The following HS3ST5 variants were observed in gnomAD, a reference collection of about 807,000 sequenced individuals.
HS3ST5 encodes heparan sulfate glucosamine 3-O-sulfotransferase 5.
Under a neutral mutation model 25.4 loss-of-function variants are expected in HS3ST5, and 10 were observed. The ratio of observed to expected loss-of-function variants is 0.39; its 90% confidence interval spans 0.24 to 0.67. The LOEUF (loss-of-function observed/expected upper bound fraction) is 0.67. HS3ST5 is among the 30% of genes least tolerant of loss of function. The probability of loss-of-function intolerance (pLI) is 0.44; values close to 1 mark genes in which losing one functional copy is unlikely to be tolerated. For synonymous variants in HS3ST5, 170 were observed against 162.4 expected, an observed-to-expected ratio of 1.05 and a Z score of -0.36; for missense variants, 324 against 420.7, an observed-to-expected ratio of 0.77 and a Z score of 2.01.
intron 1 of HS3ST5, among the ~76,000 whole-genome samples, chr6:114,237,903 A>G (rs72954564): frequency 6.6e-6 from 1 of 152,206 alleles, no homozygotes; most frequent in Non-Finnish European, 1.5e-5. Context: ...ATAAAATATA[A>G]GCACTGTCAG....
chr6:114,145,583 G>C (rs564558979), intron 3 of HS3ST5, among the ~76,000 whole-genome samples: 4 of 152,248 alleles, frequency 2.6e-5, no homozygotes, highest in African/African-American at 9.6e-5. Context: ...AGTTTACATG[G>C]GCAGAAAATG....
intron 3 of HS3ST5, among the ~76,000 whole-genome samples, chr6:114,074,988 C>T (rs1184717373): frequency 6.6e-6 from 1 of 152,008 alleles, no homozygotes; most frequent in East Asian, 1.9e-4. Context: ...CCTTTTAGGG[C>T]CAGAAGGACT....
At chr6:114,252,884 C>T (rs1168884389) in intron 1 of HS3ST5, among the ~76,000 whole-genome samples, 1 of 151,706 alleles carries the variant, frequency 6.6e-6, no homozygotes, top group Non-Finnish European at 1.5e-5. Flanking sequence ...CTGGTAACCA[C>T]ATTTTTTTTT....
At chr6:114,259,783 A>C (rs1773088012) in intron 1 of HS3ST5, among the ~76,000 whole-genome samples, 1 of 152,224 alleles carries the variant, frequency 6.6e-6, no homozygotes, top group African/African-American at 2.4e-5. Flanking sequence ...ACATAGAAAT[A>C]TGTCTGAGGA....
intron 2 of HS3ST5, among the ~76,000 whole-genome samples, chr6:114,170,207 T>C (rs193012416): frequency 4.6e-5 from 7 of 152,242 alleles, no homozygotes; most frequent in Admixed American, 4.6e-4. Flanking sequence ...GATAATTACA[T>C]TGCACTAGAA....
In HS3ST5 at chr6:114,056,654, A is replaced by G. The variant is rs1474371006; in HGVS notation, c.*603T>C. ...GGAAGTAAAAGGACTTGACTTTCCA[A>G]TGTGTGATTGACATGCTACAAGTGA... On this transcript the variant is annotated 3_prime_UTR_variant, in exon 5 of 5. Coordinates refer to ENST00000312719, the MANE Select transcript of HS3ST5 (RefSeq NM_153612.4). 2.6e-5 allele frequency: 4 copies of G among 152,282 alleles called. No homozygotes were observed. The highest frequency in any genetic ancestry group is 5.9e-5 in the Non-Finnish European group (4 of 68,086). The allele number at this position is 152,282 out of a possible 1,614,324, so 9.4% of individuals were successfully genotyped here.
At chr6:114,248,823 A>C (rs542618249) in intron 1 of HS3ST5, among the ~76,000 whole-genome samples, 1 of 152,246 alleles carries the variant, frequency 6.6e-6, no homozygotes, top group Non-Finnish European at 1.5e-5. Flanking sequence ...TGGTCCTTAC[A>C]TTCTGTGGTT....
At chr6:114,341,258 A>AGAGAGAGAGAGAGAGAGAGAGAGAGT (rs1562281461) in intron 1 of HS3ST5, among the ~76,000 whole-genome samples, 1 of 147,846 alleles carries the variant, frequency 6.8e-6, no homozygotes, top group Non-Finnish European at 1.5e-5. Flanking sequence ...AGAGAGAGAG[A>AGAGAGAGAGAGAGAGAGAGAGAGAGT]GAGTGAGTCC....
chr6:114,298,005 T>C (rs1286321734), intron 1 of HS3ST5, among the ~76,000 whole-genome samples: 1 of 152,230 alleles, frequency 6.6e-6, no homozygotes, highest in Non-Finnish European at 1.5e-5. Context: ...CCTGTCCCTC[T>C]ACCCCTGCTG....
At chr6:114,149,635 G>A (rs909954310) in intron 3 of HS3ST5, among the ~76,000 whole-genome samples, 5 of 151,894 alleles carry the variant, frequency 3.3e-5, no homozygotes, top group African/African-American at 1.2e-4. Context: ...ATGCATGTGG[G>A]GCTTAAAACT....
At chr6:114,071,321 T>TCTCC (rs1218134341) in intron 3 of HS3ST5, among the ~76,000 whole-genome samples, 13 of 152,334 alleles carry the variant, frequency 8.5e-5, no homozygotes, top group African/African-American at 3.1e-4. Flanking sequence ...GGATGCTTGC[T>TCTCC]CTCCCTCCCA....
chr6:114,094,064 T>G (rs750885168), intron 3 of HS3ST5, among the ~76,000 whole-genome samples: 8 of 152,160 alleles, frequency 5.3e-5, no homozygotes, highest in Non-Finnish European at 1.0e-4. Flanking sequence ...TATCCAGACA[T>G]AAGACAGTAA....
intron 2 of HS3ST5, among the ~76,000 whole-genome samples, chr6:114,207,263 T>G (rs1296913751): frequency 6.6e-6 from 1 of 152,154 alleles, no homozygotes; most frequent in African/African-American, 2.4e-5. Context: ...TTAGTATTAT[T>G]GCTTCCTTCC....
At chr6:114,101,786 C>A (rs1280619317) in intron 3 of HS3ST5, among the ~76,000 whole-genome samples, 2 of 152,182 alleles carry the variant, frequency 1.3e-5, no homozygotes, top group African/African-American at 4.8e-5. Context: ...ATAGTAAAGG[C>A]ATGGAATCAA....
chr6:114,111,578 C>T (rs575915966), intron 3 of HS3ST5, among the ~76,000 whole-genome samples: 1 of 152,144 alleles, frequency 6.6e-6, no homozygotes, highest in Admixed American at 6.5e-5. Context: ...CTACTTCTCA[C>T]ATAACTAGTG....
intron 2 of HS3ST5, among the ~76,000 whole-genome samples, chr6:114,184,944 TA>T (rs1364276720): frequency 3.9e-5 from 6 of 152,222 alleles, no homozygotes; most frequent in Non-Finnish European, 8.8e-5. Context: ...CCTGTCCCAT[TA>T]TTGTATTTTG....
intron 3 of HS3ST5, among the ~76,000 whole-genome samples, chr6:114,116,804 A>G (rs1776553344): frequency 6.6e-6 from 1 of 151,962 alleles, no homozygotes; most frequent in South Asian, 2.1e-4. Flanking sequence ...CTTCACCTTA[A>G]TTGCTGCCCT....
intron 1 of HS3ST5, among the ~76,000 whole-genome samples, chr6:114,252,844 A>C (rs540815272): frequency 2.0e-5 from 3 of 152,316 alleles, no homozygotes; most frequent in African/African-American, 7.2e-5. Context: ...ATTATAATGC[A>C]AGTGAGCCAC....
At chr6:114,134,647 T>C (rs1231569790) in intron 3 of HS3ST5, among the ~76,000 whole-genome samples, 3 of 152,172 alleles carry the variant, frequency 2.0e-5, no homozygotes, top group Non-Finnish European at 4.4e-5. Flanking sequence ...TAATTAGGGA[T>C]GGAGAATCAG....
Sources: gnomAD v4.1 joint callset for allele counts (sites outside exome capture counted in the v4.1 genomes callset) on GRCh38, gnomAD v4.1.1 for gene constraint, MANE v1.5 for transcripts, NCBI Gene and HGNC (gene_info 2026-07-23, HGNC 2026-07-21) for gene names.